CLUH: variants seen among roughly 807,000 people sequenced by gnomAD.
CLUH encodes clustered mitochondria protein homolog.
A neutral mutation model predicts 139.3 loss-of-function variants in CLUH; 77 were observed. That is an observed-to-expected ratio of 0.55 (90% CI 0.46 to 0.67). The LOEUF is 0.67. CLUH is among the 30% of genes least tolerant of loss of function. The probability of loss-of-function intolerance (pLI) is 0.00; values close to 1 mark genes in which losing one functional copy is unlikely to be tolerated. For missense variants in CLUH, 1,876 were observed against 1,875.8 expected, an observed-to-expected ratio of 1.00 and a Z score of 0.00; for synonymous variants, 999 against 801.6, an observed-to-expected ratio of 1.25 and a Z score of -4.16.
In CLUH at chr17:2,703,430, C is replaced by T. The variant is rs761300051; in HGVS notation, c.363G>A (p.Thr121=). The T allele has an allele frequency of 6.2e-6, 10 of 1,613,700 alleles. No individual in the cohort carries two copies. The East Asian group carries it at 1.1e-4, about 18-fold the overall frequency. ...GCAGTGAGAAGCAGGTGCGGTGACACGTGTCCTCCCGGTCCATGAGCACCT... is the reference window on the plus strand; with the variant it reads ...GCAGTGAGAAGCAGGTGCGGTGACATGTGTCCTCCCGGTCCATGAGCACCT... ...IHQVLMDRED[T]CHRTCFSLHL... Residue 121 remains threonine (T), a synonymous_variant, in exon 3 of 26, where the codon ACG becomes ACA. Transcript: ENST00000651024. This position sits in a 1 kb window ranked among gnomAD's most constrained non-coding sequence, Gnocchi z 4.2.
intron 1 of CLUH, among the ~76,000 whole-genome samples, chr17:2,705,047 C>G (rs1441135961): frequency 6.6e-6 from 1 of 152,058 alleles, no homozygotes; most frequent in Admixed American, 6.6e-5. Context: ...GTTTCTGACC[C>G]CACCCCCTCC....
chr17:2,698,398 G>GCGCCACGTAGGC lies in CLUH; in HGVS notation c.1447_1458dup (p.Ala483_Ala486dup). On this transcript the variant is annotated inframe_insertion, in exon 10 of 26. Transcript: ENST00000651024. The stretch of plus-strand genomic sequence containing the variant: ...CGGACGCCATTCAGGTCGTTGGTGG[G>GCGCCACGTAGGC]CGCCACGTAGGCCGCCACGTCCCCC... 6.2e-7 allele frequency: 1 copy of GCGCCACGTAGGC among 1,613,178 alleles called. No individual in the cohort carries two copies. Among genetic ancestry groups the GCGCCACGTAGGC allele is most frequent in the Non-Finnish European group, 8.5e-7 (1 of 1,179,732 alleles).
intron 3 of CLUH, 109 bp from the exon 4 acceptor site, chr17:2,702,166 A>C: frequency 7.4e-7 from 1 of 1,360,040 alleles, no homozygotes; most frequent in Non-Finnish European, 9.9e-7. Flanking sequence ...TTTAATTTTC[A>C]ACTTTAGGTT....
rs752153628 is a variant in CLUH at position 2,701,980 on chromosome 17, C to T, written c.553G>A (p.Ala185Thr). ...DLLKSLDPSD[A>T]FNGVDCNSLS... ...GAGTTGCAGTCAACCCCGTTGAAGG[C>T]ATCGGATGGGTCCAGGCTCTTGAGC... The change falls in exon 4 of 26, where the codon GCC (alanine) becomes ACC (threonine). Residue 185 changes from alanine (A) to threonine (T), a missense_variant. Transcript: ENST00000651024. The T allele has an allele frequency of 1.2e-6, 2 of 1,613,920 alleles. No homozygotes were observed. The highest frequency in any genetic ancestry group is 2.7e-5 in the African/African-American group (2 of 74,958).
chr17:2,698,146 GC>G lies in CLUH; in HGVS notation c.1710del (p.His571ThrfsTer89). 1 of 1,582,840 alleles carries G rather than the reference GC, an allele frequency of 6.3e-7. No homozygotes were observed. Among genetic ancestry groups the G allele is most frequent in the Non-Finnish European group, 8.6e-7 (1 of 1,165,702 alleles). On this transcript the variant is annotated frameshift_variant, in exon 10 of 26. Transcript: ENST00000651024. LOFTEE classifies it high-confidence loss of function. ...ERTSRPLKIL[R>X]HQVLNDRDEE... ...TCGTCACGGTCGTTGAGCACCTGGT[GC>G]CGCAGGATCTTGAGGGGCCGACTCG... is the stretch of plus-strand genomic sequence containing the variant.
intron 13 of CLUH, chr17:2,695,775 T>A (rs2151701797): frequency 1.7e-6 from 1 of 598,046 alleles, no homozygotes; most frequent in Non-Finnish European, 2.9e-6. Flanking sequence ...GGGCACTACT[T>A]GACCCCCAGC....
At chr17:2,695,994 C>T (rs1597606823) in intron 13 of CLUH, 165 bp downstream of exon 13, 1 of 632,152 alleles carries the variant, frequency 1.6e-6, no homozygotes, top group South Asian at 1.9e-5. Flanking sequence ...GTGCCCTTGA[C>T]CTCTGGGGGT....
intron 9 of CLUH, 37 bp from the exon 10 acceptor site, chr17:2,698,627 G>A (rs776995397): frequency 8.0e-6 from 12 of 1,501,720 alleles, no homozygotes; most frequent in Admixed American, 6.4e-5. Context: ...TAGAGGCCGC[G>A]CCCACAAGAG....
At chr17:2,709,274 G>A (rs1468755908) in intron 1 of CLUH, among the ~76,000 whole-genome samples, 1 of 152,144 alleles carries the variant, frequency 6.6e-6, no homozygotes, top group Non-Finnish European at 1.5e-5. Flanking sequence ...GTCCGAAAAG[G>A]TGCATCACCC....
In CLUH at chr17:2,701,470, CG is replaced by C. The variant is rs1567593096; in HGVS notation, c.794del (p.Pro265ArgfsTer15). 1 of 1,613,658 alleles carries C rather than the reference CG, an allele frequency of 6.2e-7. No individual in the cohort carries two copies. The highest frequency in any genetic ancestry group is 1.3e-5 in the African/African-American group (1 of 74,930). Reference sequence around the variant, plus strand: ...GGTCCCCGTGCATCTTCCGGTTCCCCGGGGGCGGGTTCCATCCGCTCATGGT... The same window carrying C: ...GGTCCCCGTGCATCTTCCGGTTCCCCGGGGCGGGTTCCATCCGCTCATGGT... ...VLTMSGWNPP[P>X]GNRKMHGDLM... is the part of the protein sequence containing the mutation. On this transcript the variant is annotated frameshift_variant, in exon 6 of 26. Coordinates refer to ENST00000651024, the MANE Select transcript of CLUH (RefSeq NM_001366661.1). LOFTEE classifies it high-confidence loss of function.
intron 19 of CLUH, 68 bp downstream of exon 19, chr17:2,693,832 C>A: frequency 1.3e-6 from 2 of 1,531,984 alleles, no homozygotes; most frequent in Non-Finnish European, 8.8e-7. Context: ...ACTCCTCCGT[C>A]AGGGGCCCCC....
rs201175368 is a variant in CLUH at position 2,703,533 on chromosome 17, G to A, written c.304-44C>T. 2,842 of 1,592,410 alleles carry A rather than the reference G, an allele frequency of 1.8e-3. 6 individuals carry two copies. The highest frequency in any genetic ancestry group is 2.2e-3 in the Non-Finnish European group (2,515 of 1,166,394). On this transcript the variant is annotated intron_variant, in intron 2 of 25. Coordinates refer to ENST00000651024, the MANE Select transcript of CLUH (RefSeq NM_001366661.1). This position sits in a 1 kb window ranked among gnomAD's most constrained non-coding sequence, Gnocchi z 4.2. ...GCCCACCCCGGTGAGAGAGCACGTA[G>A]CGGGGAGAGAAGGCCCCAACCGCCC...
rs1231378024 is a variant in CLUH, at chr17:2,703,177, G to A, written c.475+141C>T. On this transcript the variant is annotated intron_variant, in intron 3 of 25. Coordinates refer to ENST00000651024, the MANE Select transcript of CLUH (RefSeq NM_001366661.1). This position sits in a 1 kb window ranked among gnomAD's most constrained non-coding sequence, Gnocchi z 4.2. ...CCGTGAAGTTGGCAGATATAGGTGT[G>A]CTGGCCTGAGAAGCAGATCTGTGCT... is the stretch of plus-strand genomic sequence containing the variant. 1 of 880,784 alleles carries A rather than the reference G, an allele frequency of 1.1e-6. No individual in the cohort carries two copies. The highest frequency in any genetic ancestry group is 1.7e-6 in the Non-Finnish European group (1 of 581,120). 54.6% of individuals were successfully genotyped at this position (880,784 alleles called of 1,614,324 possible).
At position 2,708,747 on chromosome 17, in the gene CLUH, G is replaced by A. The variant is rs1409664855; in HGVS notation, c.100+2815C>T. 4.0e-5 allele frequency among the ~76,000 whole-genome samples: 6 copies of A among 151,494 alleles called. No individual in the cohort carries two copies. In the East Asian group the frequency reaches 7.8e-4, roughly 20 times the overall value. ...CCCGCCGACCCGCTCCCATGGACCCGCTCCCACTGACCCACTCCCACTCAG... is the reference window on the plus strand; with the variant it reads ...CCCGCCGACCCGCTCCCATGGACCCACTCCCACTGACCCACTCCCACTCAG... On this transcript the variant is annotated intron_variant, in intron 1 of 25. Coordinates refer to ENST00000651024, the MANE Select transcript of CLUH (RefSeq NM_001366661.1).
chr17:2,701,875 G>A lies in CLUH; in HGVS notation c.619+39C>T, dbSNP rs373034049. The A allele has an allele frequency of 4.0e-5, 64 of 1,610,808 alleles. No homozygotes were observed. In the Middle Eastern group the frequency reaches 1.1e-3, roughly 27 times the overall value. On this transcript the variant is annotated intron_variant, in intron 4 of 25. Coordinates refer to ENST00000651024, the MANE Select transcript of CLUH (RefSeq NM_001366661.1). ...CCAGCCCCCCACCTCCGTGCTCCCC[G>A]CCCTTTGGCCCAATCCCCGGCCCCA...
At position 2,698,416 on chromosome 17, in the gene CLUH, C is replaced by A. The variant is rs762830262; in HGVS notation, c.1441G>T (p.Val481Leu). The change falls in exon 10 of 26, where the codon GTG (valine) becomes TTG (leucine). Residue 481 changes from valine to leucine, a missense_variant. Physicochemically the swap from Val to Leu is conservative, Grantham distance 32 (BLOSUM62 1). This residue lies in a region of CLUH where 1,454 missense variants were observed against 1,384.4 expected (regional missense o/e 1.05). Coordinates refer to ENST00000651024, the MANE Select transcript of CLUH (RefSeq NM_001366661.1). ...TTGGTGGGCGCCACGTAGGCCGCCA[C>A]GTCCCCCCCGAAGTCCTTGTAGTGG... ...RDHYKDFGGD[V>L]AAYVAPTNDL... is the part of the protein sequence containing the mutation. 1.2e-6 allele frequency: 2 copies of A among 1,613,364 alleles called. No homozygotes were observed. Among genetic ancestry groups the A allele is most frequent in the East Asian group, 4.5e-5 (2 of 44,868 alleles).
At chr17:2,699,136 C>T (rs771036025) in intron 9 of CLUH, among the ~76,000 whole-genome samples, 9 of 151,974 alleles carry the variant, frequency 5.9e-5, no homozygotes, top group African/African-American at 1.5e-4. Flanking sequence ...AACAAGCGTG[C>T]GCAGGTTTGG....
chr17:2,700,746 T>C lies in CLUH; in HGVS notation c.1105A>G (p.Met369Val). Residue 369 changes from methionine (M) to valine (V), a missense_variant, in exon 8 of 26, where the codon ATG becomes GTG. Physicochemically the swap from Met to Val is conservative, Grantham distance 21. Around this residue, in one of 3 missense-constraint regions of CLUH, gnomAD observed 1,454 missense variants for 1,384.4 expected, o/e 1.05. Coordinates refer to ENST00000651024, the MANE Select transcript of CLUH (RefSeq NM_001366661.1). ...SWTAPQAEHA[M>V]DCVRAEDAYT... ...GCGTCCTCTGCACGCACGCAATCCA[T>C]GGCATGCTCCGCCTGGGGGGCTGTC... 1 of 1,545,704 alleles carries C rather than the reference T, an allele frequency of 6.5e-7. No individual in the cohort carries two copies. The highest frequency in any genetic ancestry group is 8.7e-7 in the Non-Finnish European group (1 of 1,151,516).
At chr17:2,699,701 G>A (rs1367155776) in intron 9 of CLUH, among the ~76,000 whole-genome samples, 5 of 150,508 alleles carry the variant, frequency 3.3e-5, no homozygotes, top group South Asian at 2.1e-4. Context: ...ATGCAATTTC[G>A]GCTCACTGCA....
Sources: gnomAD v4.1 joint callset for allele counts (sites outside exome capture counted in the v4.1 genomes callset) on GRCh38, gnomAD v4.1.1 for gene constraint, gnomAD v4.1.1 regional missense constraint, Gnocchi (gnomAD v3.1) non-coding constraint, MANE v1.5 for transcripts, NCBI Gene and HGNC (gene_info 2026-07-23, HGNC 2026-07-21) for gene names.